MICB: variants seen among roughly 807,000 people sequenced by gnomAD.
The protein encoded by MICB is MHC class I antigen-related protein B.
A neutral mutation model predicts 34.3 loss-of-function variants in MICB; 27 were observed. The ratio of observed to expected loss-of-function variants is 0.79; its 90% CI spans 0.58 to 1.08. The LOEUF (loss-of-function observed/expected upper bound fraction) is 1.08, where lower values mean the gene tolerates loss of function less well. Among genes scored for constraint, MICB ranks in the 50% least tolerant of loss-of-function variants. The pLI, the probability that MICB is intolerant of heterozygous loss-of-function variation, is 0.00. For missense variants in MICB, 426 were observed against 483.1 expected (o/e 0.88, Z 1.11); for synonymous variants, 153 against 187.4 (o/e 0.82, Z 1.50).
At chr6:31,505,512 A>G in intron 1 of MICB, 105 bp from the exon 2 acceptor site, 1 of 1,514,436 alleles carries the variant, frequency 6.6e-7, no homozygotes, top group Non-Finnish European at 8.9e-7. Context: ...GCCCATGCGC[A>G]TTTCCTGCCT....
chr6:31,505,916 A>G (rs1181225505), intron 2 of MICB, 45 bp downstream of exon 2: 1 of 1,547,432 alleles, frequency 6.5e-7, no homozygotes, highest in Admixed American at 2.0e-5. Flanking sequence ...CTTCTCCAGG[A>G]AAGTTGGAGA....
intron 1 of MICB, among the ~76,000 whole-genome samples, chr6:31,504,259 T>TTTC (rs1765171500): frequency 3.7e-5 from 4 of 107,066 alleles, no homozygotes; most frequent in Admixed American, 1.9e-4. Flanking sequence ...TTTTTCTTTT[T>TTTC]TTTTTTTTTT....
chr6:31,506,909 G>A (rs1373357344), intron 3 of MICB, 113 bp from the exon 4 acceptor site: 37 of 1,497,854 alleles, frequency 2.5e-5, no homozygotes, highest in Admixed American at 1.3e-4. Flanking sequence ...CAGAAGGTCC[G>A]GTATCTGTGA....
chr6:31,499,444 T>C (rs1764897761), intron 1 of MICB, among the ~76,000 whole-genome samples: 1 of 150,536 alleles, frequency 6.6e-6, no homozygotes, highest in South Asian at 2.1e-4. Flanking sequence ...CCCTCCTGCC[T>C]CCTTTATGGG....
intron 1 of MICB, among the ~76,000 whole-genome samples, chr6:31,501,203 A>G (rs1157742938): frequency 6.6e-6 from 1 of 152,118 alleles, no homozygotes; most frequent in East Asian, 1.9e-4. Flanking sequence ...GCACCTTTTG[A>G]TATACCTGTT....
intron 1 of MICB, among the ~76,000 whole-genome samples, chr6:31,504,254 CT>C (rs9281513): frequency 3.6e-3 from 216 of 60,248 alleles, no homozygotes; most frequent in African/African-American, 5.3e-3. Flanking sequence ...CTCTCTTTTT[CT>C]TTTTTTTTTT....
intron 1 of MICB, among the ~76,000 whole-genome samples, chr6:31,499,673 C>T (rs186025891): frequency 2.0e-5 from 3 of 152,206 alleles, no homozygotes; most frequent in Non-Finnish European, 4.4e-5. Context: ...AGTGCAGGTG[C>T]CTGCTCTGGG....
In MICB at chr6:31,507,222, A is replaced by G. The variant is rs1478484490; in HGVS notation, c.814A>G (p.Ile272Val). 6.2e-7 allele frequency: 1 copy of G among 1,614,100 alleles called. No individual in the cohort carries two copies. The highest frequency in any genetic ancestry group is 8.5e-7 in the Non-Finnish European group (1 of 1,179,994). ...GTYQTWVATRIRQGEEQRFTC... is the reference protein window; with the variant it reads ...GTYQTWVATRVRQGEEQRFTC... The stretch of plus-strand genomic sequence containing the variant: ...CTACCAGACCTGGGTGGCCACCAGG[A>G]TTCGCCAAGGAGAGGAGCAGAGGTT... Residue 272 changes from isoleucine to valine, a missense_variant, in exon 4 of 6, where the codon ATT (isoleucine) becomes GTT (valine). Physicochemically the swap from Ile to Val is conservative, Grantham distance 29. Coordinates refer to ENST00000252229, the MANE Select transcript of MICB (RefSeq NM_005931.5). This position sits in a 1 kb window ranked among gnomAD's most constrained non-coding sequence, Gnocchi z 6.0.
chr6:31,503,218 A>G (rs772679070), intron 1 of MICB, among the ~76,000 whole-genome samples: 2 of 152,088 alleles, frequency 1.3e-5, no homozygotes, highest in Non-Finnish European at 2.9e-5. Flanking sequence ...CCTGATTTTG[A>G]TATCAGGATA....
At chr6:31,496,846 G>T (rs1377244035), upstream of MICB, 1 of 152,764 alleles carries the variant, frequency 6.5e-6, no homozygotes, top group East Asian at 1.9e-4. Context: ...AGGCAGAGGT[G>T]ACAGTAACCT....
chr6:31,500,938 A>G lies in MICB; in HGVS notation c.70+2675A>G, dbSNP rs932902821. Among the ~76,000 whole-genome samples, 5 of 152,226 alleles carry G rather than the reference A, an allele frequency of 3.3e-5. No homozygotes were observed. In the East Asian group the frequency reaches 5.8e-4, roughly 18 times the overall value. ...TACCGATTTCCTTTCTTTTGGGTAT[A>G]TGCCTAACAGTGGGAGTGCTGGAGC... On this transcript the variant is annotated intron_variant, in intron 1 of 5. Transcript: ENST00000252229.
rs563523141 is a variant in MICB, at chr6:31,505,506, A to G, written c.71-111A>G. The G allele has an allele frequency of 1.8e-4, 264 of 1,460,446 alleles. 3 individuals are homozygous for G. The East Asian group carries it at 3.9e-3, about 22-fold the overall frequency. 90.5% of individuals were successfully genotyped at this position (1,460,446 alleles called of 1,614,324 possible). A position where few individuals can be genotyped will look rare whatever the true frequency, so the allele number is the denominator to read the frequency against. On this transcript the variant is annotated intron_variant, in intron 1 of 5. Transcript: ENST00000252229. ...AATCTTCGTTCTTGTCCTTTTGCCC[A>G]TGCGCATTTCCTGCCTCCTCAGGGA... is the stretch of plus-strand genomic sequence containing the variant.
In MICB at chr6:31,507,989, G is replaced by A. The variant is rs1200952701; in HGVS notation, c.1024+458G>A. On this transcript the variant is annotated intron_variant, in intron 5 of 5. Coordinates refer to ENST00000252229, the MANE Select transcript of MICB (RefSeq NM_005931.5). The surrounding 1 kb of genome is among the most constrained non-coding windows in gnomAD (Gnocchi z 6.0). The stretch of plus-strand genomic sequence containing the variant: ...GGAGAGGAATCCAAGGAGAGGCGAT[G>A]CCCACCCGTGTGCCTCCTCCAGGAG... Among the ~76,000 whole-genome samples the A allele has an allele frequency of 6.6e-6, 1 of 152,140 alleles. No homozygotes were observed. The highest frequency in any genetic ancestry group is 1.5e-5 in the Non-Finnish European group (1 of 67,984).
At chr6:31,500,885 A>G (rs1256428964) in intron 1 of MICB, among the ~76,000 whole-genome samples, 1 of 152,228 alleles carries the variant, frequency 6.6e-6, no homozygotes, top group Non-Finnish European at 1.5e-5. Context: ...GCTGCAATAA[A>G]CATGGAAAAG....
rs1764788198 is a variant in MICB at position 31,498,268 on chromosome 6, G to C, written c.70+5G>C. On this transcript the variant is annotated splice_donor_5th_base_variant and intron_variant, in intron 1 of 5. Transcript: ENST00000252229. ...CACCCCCGGCAGCCGCCGCTGGTGA[G>C]TGGGGTTCCTGGCGGTCCCCGGCGG... The C allele has an allele frequency of 5.1e-6, 8 of 1,563,814 alleles. No individual in the cohort carries two copies. The highest frequency in any genetic ancestry group is 6.9e-6 in the Non-Finnish European group (8 of 1,152,362).
At chr6:31,498,116 A>C (rs937671389), upstream of MICB, 4 of 1,284,532 alleles carry the variant, frequency 3.1e-6, no homozygotes, top group African/African-American at 6.2e-5. Context: ...CAGGTGACTA[A>C]ATTTCGACGG....
rs1232121788 is a variant in MICB, at chr6:31,507,653, G to A, written c.1024+122G>A. On this transcript the variant is annotated intron_variant, in intron 5 of 5. Coordinates refer to ENST00000252229, the MANE Select transcript of MICB (RefSeq NM_005931.5). The surrounding 1 kb of genome is among the most constrained non-coding windows in gnomAD (Gnocchi z 6.0). Reference sequence around the variant, plus strand: ...GCTGCTGGGACAGGGGATGGAAGCTGGGGTATTTGGGAGGGGAATGGGAGC... The same window carrying A: ...GCTGCTGGGACAGGGGATGGAAGCTAGGGTATTTGGGAGGGGAATGGGAGC... 4 of 1,216,916 alleles carry A rather than the reference G, an allele frequency of 3.3e-6. No homozygotes were observed. The highest frequency in any genetic ancestry group is 4.7e-6 in the Non-Finnish European group (4 of 857,078). The allele number at this position is 1,216,916 out of a possible 1,614,324, so 75.4% of individuals were successfully genotyped here. A position where few individuals can be genotyped will look rare whatever the true frequency, so the allele number is the denominator to read the frequency against.
intron 5 of MICB, among the ~76,000 whole-genome samples, chr6:31,508,624 G>A (rs1339605788): frequency 6.6e-6 from 1 of 152,170 alleles, no homozygotes; most frequent in Non-Finnish European, 1.5e-5. Context: ...TCTCACCTGC[G>A]GCGTCTCCCG....
chr6:31,498,551 G>T (rs3093951), intron 1 of MICB: 134,447 of 164,220 alleles, frequency 0.82, 55,332 homozygotes, highest in South Asian at 0.92. Flanking sequence ...CACTGCAAGC[G>T]CCGCCTCCCG....
Sources: gnomAD v4.1 joint callset for allele counts (sites outside exome capture counted in the v4.1 genomes callset) on GRCh38, gnomAD v4.1.1 for gene constraint, Gnocchi (gnomAD v3.1) non-coding constraint, MANE v1.5 for transcripts, NCBI Gene and HGNC (gene_info 2026-07-23, HGNC 2026-07-21) for gene names.